The following CNRIP1 variants were observed in gnomAD, a reference collection of about 807,000 sequenced individuals.
CNRIP1 encodes CB1 cannabinoid receptor-interacting protein 1.
Under a neutral mutation model 15.2 loss-of-function variants are expected in CNRIP1, and 10 were observed. The observed-to-expected ratio is 0.66, with a 90% CI of 0.41 to 1.12. The LOEUF (loss-of-function observed/expected upper bound fraction) is 1.12. Ranked by LOEUF, CNRIP1 falls within the 50% of genes most tolerant of loss-of-function variation. The pLI is 0.00. For synonymous variants in CNRIP1, 91 were observed against 83.2 expected, an observed-to-expected ratio of 1.09 and a Z score of -0.51; for missense variants, 211 against 214.7, an observed-to-expected ratio of 0.98 and a Z score of 0.11.
downstream of CNRIP1, among the ~76,000 whole-genome samples, chr2:68,289,364 C>T (rs1671106682): frequency 6.6e-6 from 1 of 152,050 alleles, no homozygotes; most frequent in Admixed American, 6.6e-5. Context: ...AACGTTTGGC[C>T]ATTATCTGAA....
intron 2 of CNRIP1, among the ~76,000 whole-genome samples, chr2:68,311,165 C>G (rs1416479875): frequency 6.6e-6 from 1 of 151,692 alleles, no homozygotes; most frequent in Non-Finnish European, 1.5e-5. Context: ...TTGGTGAAAA[C>G]ATTAACCTCT....
chr2:68,317,614 C>G (rs1672322976), intron 1 of CNRIP1, among the ~76,000 whole-genome samples: 1 of 152,096 alleles, frequency 6.6e-6, no homozygotes, highest in Non-Finnish European at 1.5e-5. Flanking sequence ...TGAACTCGTC[C>G]TCTAATATTT....
chr2:68,299,238 T>C lies in CNRIP1; in HGVS notation c.331-5212A>G, dbSNP rs192813440. Among the ~76,000 whole-genome samples, 196 of 152,242 alleles carry C rather than the reference T, an allele frequency of 1.3e-3. 1 individual carries two copies. The highest frequency in any genetic ancestry group is 4.5e-3 in the African/African-American group (187 of 41,504). On this transcript the variant is annotated intron_variant, in intron 2 of 2. Transcript: ENST00000263655. ...ATATAAATGGTTATAGTGGACAGTT[T>C]TTTTTTCTCCCTGAATGAGAAATTA... is the stretch of plus-strand genomic sequence containing the variant.
chr2:68,286,347 CAT>C (rs1671032411), intron 2 of CNRIP1, among the ~76,000 whole-genome samples: 1 of 149,442 alleles, frequency 6.7e-6, no homozygotes, highest in Non-Finnish European at 1.5e-5. Context: ...CACACACACT[CAT>C]ATACACATTA....
chr2:68,318,578 A>G (rs903825443), intron 1 of CNRIP1, among the ~76,000 whole-genome samples: 4 of 152,220 alleles, frequency 2.6e-5, no homozygotes, highest in Non-Finnish European at 5.9e-5. Context: ...ACCAGCCTGA[A>G]CAGAAAACTC....
At chr2:68,292,094 G>T (rs1030099559), downstream of CNRIP1, among the ~76,000 whole-genome samples, 7 of 152,030 alleles carry the variant, frequency 4.6e-5, no homozygotes, top group East Asian at 5.8e-4. Context: ...TATTCTGGAA[G>T]AAAAACCTCT....
chr2:68,306,339 GA>G (rs945774251), intron 2 of CNRIP1, among the ~76,000 whole-genome samples: 2 of 146,892 alleles, frequency 1.4e-5, no homozygotes, highest in African/African-American at 2.5e-5. Context: ...AAAAAAAAAG[GA>G]AAAAAAAGAG....
chr2:68,302,182 TATG>T (rs1466657170), intron 2 of CNRIP1, among the ~76,000 whole-genome samples: 3 of 152,214 alleles, frequency 2.0e-5, no homozygotes, highest in African/African-American at 7.2e-5. Context: ...TCCTACATCT[TATG>T]ATTATCTCTT....
intron 2 of CNRIP1, among the ~76,000 whole-genome samples, chr2:68,308,798 CT>C (rs1412265844): frequency 7.3e-5 from 11 of 151,304 alleles, no homozygotes; most frequent in Admixed American, 4.6e-4. Context: ...TTTTGCAGAA[CT>C]TTTTTTTTCT....
downstream of CNRIP1, among the ~76,000 whole-genome samples, chr2:68,291,295 T>C (rs371815398): frequency 2.6e-3 from 330 of 127,488 alleles, 1 homozygote; most frequent in African/African-American, 0.01. Context: ...CACTTTCCCC[T>C]TTTTTTTTTA....
chr2:68,317,507 A>G (rs987857954), intron 1 of CNRIP1, among the ~76,000 whole-genome samples, 200 bp from the exon 2 acceptor site: 1 of 152,194 alleles, frequency 6.6e-6, no homozygotes, highest in Non-Finnish European at 1.5e-5. Context: ...AGCCCCAGAC[A>G]TTAGGATTCA....
At chr2:68,314,064 CT>C (rs1672188745) in intron 2 of CNRIP1, among the ~76,000 whole-genome samples, 1 of 152,122 alleles carries the variant, frequency 6.6e-6, no homozygotes, top group Admixed American at 6.5e-5. Context: ...TCCCGCAAAT[CT>C]TGGACTAGGA....
At chr2:68,305,286 G>A (rs944460477) in intron 2 of CNRIP1, among the ~76,000 whole-genome samples, 3,123 of 134,584 alleles carry the variant, frequency 0.023, 83 homozygotes, top group Middle Eastern at 0.041. Context: ...GTGTGTGTGT[G>A]TGTGTGTGTG....
intron 2 of CNRIP1, among the ~76,000 whole-genome samples, chr2:68,307,536 G>C (rs1017928105): frequency 6.6e-6 from 1 of 152,034 alleles, no homozygotes; most frequent in African/African-American, 2.4e-5. Flanking sequence ...ATATTGCTCA[G>C]GCTAGTCTTG....
In CNRIP1 at chr2:68,287,493, C is replaced by T. The variant is rs887020757; in HGVS notation, c.331-3009G>A. Among the ~76,000 whole-genome samples, 14 of 152,184 alleles carry T rather than the reference C, an allele frequency of 9.2e-5. No individual in the cohort carries two copies. In the South Asian group the frequency reaches 1.2e-3, roughly 14 times the overall value. On this transcript the variant is annotated intron_variant, in intron 2 of 2. Coordinates refer to the CNRIP1 transcript ENST00000409559. ...TTTCTATACATTTCAACATTTTTCA[C>T]GATAAAATATTGGGAGAAAAGTTTA... is the stretch of plus-strand genomic sequence containing the variant.
chr2:68,313,903 T>C (rs757255776), intron 2 of CNRIP1, among the ~76,000 whole-genome samples: 9 of 152,134 alleles, frequency 5.9e-5, no homozygotes, highest in Non-Finnish European at 1.2e-4. Context: ...TATACTGTCT[T>C]TGCCTCACTC....
intron 2 of CNRIP1, among the ~76,000 whole-genome samples, chr2:68,300,126 T>C (rs1175593829): frequency 6.6e-6 from 1 of 152,228 alleles, no homozygotes; most frequent in East Asian, 1.9e-4. Flanking sequence ...CTTCACTAAA[T>C]AGGACTAAAA....
downstream of CNRIP1, among the ~76,000 whole-genome samples, chr2:68,290,024 CTTTTTT>C (rs35429690): frequency 4.5e-5 from 4 of 89,640 alleles, no homozygotes; most frequent in Non-Finnish European, 6.4e-5. Context: ...AGAATCTGAA[CTTTTTT>C]TTTTTTTTTT....
chr2:68,286,723 G>C (rs955997494), intron 2 of CNRIP1, among the ~76,000 whole-genome samples: 1 of 152,158 alleles, frequency 6.6e-6, no homozygotes, highest in African/African-American at 2.4e-5. Flanking sequence ...AATACCCTTG[G>C]CTGTCAGAGG....
Sources: gnomAD v4.1 joint callset for allele counts (sites outside exome capture counted in the v4.1 genomes callset) on GRCh38, gnomAD v4.1.1 for gene constraint, MANE v1.5 for transcripts, NCBI Gene and HGNC (gene_info 2026-07-23, HGNC 2026-07-21) for gene names.